The following STAMBPL1 variants were observed in gnomAD, a reference collection of about 807,000 sequenced individuals.
The protein encoded by STAMBPL1 is AMSH-like protease.
STAMBPL1 carries 44 observed loss-of-function variants against 52.9 expected under a neutral mutation model. That is an observed-to-expected ratio of 0.83 (90% CI 0.65 to 1.07). The LOEUF is 1.07. Among genes scored for constraint, STAMBPL1 ranks in the 50% least tolerant of loss-of-function variants. The pLI, the probability that STAMBPL1 is intolerant of heterozygous loss-of-function variation, is 0.00. For synonymous variants in STAMBPL1, 164 were observed against 177.3 expected (o/e 0.92, Z 0.60); for missense variants, 511 against 520.8 (o/e 0.98, Z 0.18).
chr10:88,905,485 A>C lies in STAMBPL1; in HGVS notation c.73A>C (p.Ser25Arg), dbSNP rs765427598. Residue 25 changes from serine to arginine, a missense_variant, in exon 3 of 11, where the codon AGC becomes CGC. Transcript: ENST00000371926. ...GCCTGACCATACAGATGTTTCCCTA[A>C]GCCCAGAAGAGCGAGTCCGTGCCCT... ...AMPDHTDVSL[S>R]PEERVRALSK... The C allele has an allele frequency of 1.2e-6, 2 of 1,614,030 alleles. No individual in the cohort carries two copies. Among genetic ancestry groups the C allele is most frequent in the African/African-American group, 1.3e-5 (1 of 74,928 alleles).
intron 1 of STAMBPL1, among the ~76,000 whole-genome samples, chr10:88,893,132 G>C (rs1844728116): frequency 6.6e-6 from 1 of 152,136 alleles, no homozygotes; most frequent in Admixed American, 6.5e-5. Flanking sequence ...GAGCAAATTA[G>C]CAAGTTCATA....
chr10:88,912,341 G>A (rs576170922), intron 5 of STAMBPL1: 1 of 152,200 alleles, frequency 6.6e-6, no homozygotes, highest in African/African-American at 2.4e-5. Context: ...CACCTGAAAG[G>A]CTCATTAATA....
At chr10:88,892,455 C>T (rs941826757) in intron 1 of STAMBPL1, among the ~76,000 whole-genome samples, 3 of 152,064 alleles carry the variant, frequency 2.0e-5, no homozygotes, top group Admixed American at 2.0e-4. Context: ...GGGAACATGG[C>T]ATCCAAATCA....
chr10:88,899,576 C>T (rs911873333), intron 1 of STAMBPL1, among the ~76,000 whole-genome samples: 1 of 152,168 alleles, frequency 6.6e-6, no homozygotes, highest in East Asian at 1.9e-4. Flanking sequence ...GTGGTGCCAT[C>T]TCAACTCACT....
chr10:88,908,362 A>T (rs1044459740), intron 3 of STAMBPL1, among the ~76,000 whole-genome samples: 2 of 152,002 alleles, frequency 1.3e-5, no homozygotes, highest in African/African-American at 4.8e-5. Context: ...TGATATTTTT[A>T]TGTGATTCTC....
At chr10:88,906,490 AATTTT>A (rs1845078383) in intron 3 of STAMBPL1, among the ~76,000 whole-genome samples, 1 of 152,194 alleles carries the variant, frequency 6.6e-6, no homozygotes, top group African/African-American at 2.4e-5. Flanking sequence ...ATTATTTATT[AATTTT>A]ATTTAAGTTG....
intron 1 of STAMBPL1, among the ~76,000 whole-genome samples, chr10:88,893,718 G>A (rs1274479018): frequency 6.6e-6 from 1 of 152,182 alleles, no homozygotes; most frequent in Non-Finnish European, 1.5e-5. Flanking sequence ...TCCAGCCTGG[G>A]CAACAAGAGT....
intron 4 of STAMBPL1, among the ~76,000 whole-genome samples, chr10:88,910,138 A>G (rs1424410460): frequency 2.0e-5 from 3 of 152,148 alleles, no homozygotes; most frequent in African/African-American, 7.2e-5. Flanking sequence ...TATTGAATAG[A>G]TATATGAATA....
Position 88,905,575 on chromosome 10 carries a change from G to T in STAMBPL1, c.163G>T (p.Gly55Ter). 1.9e-6 allele frequency: 3 copies of T among 1,614,122 alleles called. No individual in the cohort carries two copies. Among genetic ancestry groups the T allele is most frequent in the Non-Finnish European group, 2.5e-6 (3 of 1,180,010 alleles). Reference sequence around the variant, plus strand: ...CACTCCACGACGTTACTTTAGGTCTGGAGTAGAGATGGAGAGGATGGCGTC... The same window carrying T: ...CACTCCACGACGTTACTTTAGGTCTTGAGTAGAGATGGAGAGGATGGCGTC... Reference protein sequence around the residue: ...DITPRRYFRSGVEMERMASVY... With the variant: ...DITPRRYFRS The change falls in exon 3 of 11, where the codon GGA (glycine) becomes TGA (stop). Residue 55 changes from glycine to a stop codon, truncating the protein, a stop_gained. Coordinates refer to ENST00000371926, the MANE Select transcript of STAMBPL1 (RefSeq NM_020799.4). LOFTEE classifies it high-confidence loss of function.
intron 1 of STAMBPL1, among the ~76,000 whole-genome samples, chr10:88,896,013 T>C (rs1424433669): frequency 2.0e-5 from 3 of 152,192 alleles, no homozygotes; most frequent in Non-Finnish European, 4.4e-5. Context: ...TTGTGACTGG[T>C]ATATTTAATG....
At chr10:88,890,185 T>C (rs1844642791) in intron 1 of STAMBPL1, among the ~76,000 whole-genome samples, 1 of 151,858 alleles carries the variant, frequency 6.6e-6, no homozygotes, top group African/African-American at 2.4e-5. Context: ...GTGGAGGAGG[T>C]GGTGTGAAAG....
At position 88,910,948 on chromosome 10, in the gene STAMBPL1, T is replaced by A. The variant is rs1845207439; in HGVS notation, c.357T>A (p.Asp119Glu). 6 of 1,597,718 alleles carry A rather than the reference T, an allele frequency of 3.8e-6. 1 individual carries two copies. The South Asian group carries it at 5.8e-5, about 16-fold the overall frequency. Residue 119 changes from aspartate to glutamate, a missense_variant, in exon 5 of 11, where the codon GAT becomes GAA. Transcript: ENST00000371926. ...AGGAGATTGCATTCCCAAGGACAGATGAATTGAAAAACGACCTTTTAAAGA... is the reference window on the plus strand; with the variant it reads ...AGGAGATTGCATTCCCAAGGACAGAAGAATTGAAAAACGACCTTTTAAAGA... ...KLKEIAFPRT[D>E]ELKNDLLKKY...
Position 88,917,073 on chromosome 10 carries a change from C to T in STAMBPL1, c.1041+256C>T, listed in dbSNP as rs573565135. Among the ~76,000 whole-genome samples the T allele has an allele frequency of 3.9e-5, 6 of 152,106 alleles. No homozygotes were observed. In the East Asian group the frequency reaches 5.8e-4, roughly 15 times the overall value. ...ACCTGTCAAATCTGGATTTGGAGAA[C>T]GTGTATCTTATGCTTTTTTGTATCA... On this transcript the variant is annotated intron_variant, in intron 8 of 10. Transcript: ENST00000371926.
At chr10:88,892,427 C>T (rs542093074) in intron 1 of STAMBPL1, among the ~76,000 whole-genome samples, 10 of 151,852 alleles carry the variant, frequency 6.6e-5, no homozygotes, top group Non-Finnish European at 1.5e-4. Context: ...GGCAAGTTAT[C>T]CAGGAACCAC....
chr10:88,918,301 A>G (rs1845421017), intron 8 of STAMBPL1, among the ~76,000 whole-genome samples: 2 of 145,886 alleles, frequency 1.4e-5, no homozygotes, highest in Non-Finnish European at 3.0e-5. Context: ...ACACACACAC[A>G]CACATACACA....
intron 1 of STAMBPL1, among the ~76,000 whole-genome samples, chr10:88,890,102 G>A (rs1330451243): frequency 6.6e-6 from 1 of 152,214 alleles, no homozygotes; most frequent in Non-Finnish European, 1.5e-5. Flanking sequence ...GGTAGAAAGT[G>A]GAAGTATGAA....
At chr10:88,890,066 A>G (rs981854905) in intron 1 of STAMBPL1, among the ~76,000 whole-genome samples, 7 of 152,170 alleles carry the variant, frequency 4.6e-5, no homozygotes, top group Non-Finnish European at 4.4e-5. Flanking sequence ...TGAAAAAGAG[A>G]TGCTTAAGCT....
chr10:88,895,038 C>A (rs12254451), intron 1 of STAMBPL1, among the ~76,000 whole-genome samples: 1 of 152,038 alleles, frequency 6.6e-6, no homozygotes, highest in Non-Finnish European at 1.5e-5. Flanking sequence ...TAGAAGAGAA[C>A]GGTTTTAGGG....
At chr10:88,891,456 T>G (rs2133132699) in intron 1 of STAMBPL1, among the ~76,000 whole-genome samples, 1 of 152,300 alleles carries the variant, frequency 6.6e-6, no homozygotes, top group South Asian at 2.1e-4. Context: ...GAAAAAAATC[T>G]TCAAATGCTA....
Sources: gnomAD v4.1 joint callset for allele counts (sites outside exome capture counted in the v4.1 genomes callset) on GRCh38, gnomAD v4.1.1 for gene constraint, MANE v1.5 for transcripts, NCBI Gene and HGNC (gene_info 2026-07-23, HGNC 2026-07-21) for gene names.